The following FRMD4A variants were observed in gnomAD, a reference collection of about 807,000 sequenced individuals.
FRMD4A encodes FERM domain-containing protein 4A.
Under a neutral mutation model 129.1 loss-of-function variants are expected in FRMD4A, and 29 were observed. That is an observed-to-expected ratio of 0.22 (90% CI 0.17 to 0.31). FRMD4A has a LOEUF of 0.31. Ranked by LOEUF, FRMD4A falls within the 10% of genes least tolerant of loss-of-function variation. The pLI, the probability that FRMD4A is intolerant of heterozygous loss-of-function variation, is 1.00. For synonymous variants in FRMD4A, 634 were observed against 571.6 expected (o/e 1.11, Z -1.56); for missense variants, 1,272 against 1,375.8 (o/e 0.92, Z 1.19).
chr10:13,708,154 G>A (rs560123767), intron 12 of FRMD4A, among the ~76,000 whole-genome samples: 2 of 152,358 alleles, frequency 1.3e-5, no homozygotes, highest in African/African-American at 4.8e-5. Context: ...GCGGGGAACA[G>A]CTTCCCTGGG....
At chr10:13,875,762 A>G (rs117559134) in intron 2 of FRMD4A, among the ~76,000 whole-genome samples, 5 of 152,188 alleles carry the variant, frequency 3.3e-5, no homozygotes, top group Non-Finnish European at 2.9e-5. Flanking sequence ...GGTGGCCTAC[A>G]TATCACAAGC....
At chr10:14,182,189 G>A (rs1198149191) in intron 2 of FRMD4A, among the ~76,000 whole-genome samples, 2 of 152,266 alleles carry the variant, frequency 1.3e-5, no homozygotes, top group East Asian at 3.9e-4. Context: ...AATGGAGATG[G>A]GAGTTGACAC....
At chr10:14,039,267 A>G (rs1246400353) in intron 2 of FRMD4A, among the ~76,000 whole-genome samples, 2 of 152,194 alleles carry the variant, frequency 1.3e-5, no homozygotes, top group African/African-American at 2.4e-5. Flanking sequence ...AATAGGGTAG[A>G]TGCCATATAT....
chr10:14,168,440 G>T (rs1362964005), intron 2 of FRMD4A, among the ~76,000 whole-genome samples: 2 of 152,160 alleles, frequency 1.3e-5, no homozygotes, highest in Admixed American at 1.3e-4. Flanking sequence ...TGTCATGAAA[G>T]CCTTTATTGT....
At chr10:13,737,761 C>T (rs1007806605) in intron 12 of FRMD4A, 83 bp downstream of exon 12, 37 of 761,694 alleles carry the variant, frequency 4.9e-5, no homozygotes, top group Admixed American at 4.8e-4. Context: ...GGCTGCATGG[C>T]GTTAGCATTT....
intron 2 of FRMD4A, among the ~76,000 whole-genome samples, chr10:13,947,161 G>T (rs1383825301): frequency 6.6e-6 from 1 of 152,172 alleles, no homozygotes; most frequent in Non-Finnish European, 1.5e-5. Context: ...AGGTAGGAAA[G>T]CGGAGACCTG....
At chr10:14,184,125 CTTTTTTTTTTTTTTTTTTT>C (rs58858936) in intron 2 of FRMD4A, among the ~76,000 whole-genome samples, 2 of 64,640 alleles carry the variant, frequency 3.1e-5, no homozygotes, top group South Asian at 1.5e-3. Context: ...CTTTTCTTTT[CTTTTTTTTTTTTTTTTTTT>C]TTTTTGAGAG....
At chr10:13,946,103 G>T (rs1311288186) in intron 2 of FRMD4A, among the ~76,000 whole-genome samples, 2 of 152,174 alleles carry the variant, frequency 1.3e-5, no homozygotes, top group African/African-American at 4.8e-5. Flanking sequence ...GATCAAAAGG[G>T]GGACAATCAA....
chr10:13,826,386 C>T (rs2093701500), intron 3 of FRMD4A, among the ~76,000 whole-genome samples: 1 of 152,218 alleles, frequency 6.6e-6, no homozygotes, highest in Admixed American at 6.5e-5. Context: ...TTGCCCTACA[C>T]AGCATACTTT....
At chr10:13,890,044 T>C (rs1198151062) in intron 2 of FRMD4A, among the ~76,000 whole-genome samples, 9 of 152,156 alleles carry the variant, frequency 5.9e-5, no homozygotes, top group Admixed American at 3.3e-4. Context: ...CAGAAGACAG[T>C]GTACAAACTG....
intron 14 of FRMD4A, among the ~76,000 whole-genome samples, chr10:13,694,294 T>C (rs2086009481): frequency 6.6e-6 from 1 of 152,220 alleles, no homozygotes; most frequent in Non-Finnish European, 1.5e-5. Context: ...CTGCACTGCT[T>C]TGTGCTTAAG....
intron 2 of FRMD4A, among the ~76,000 whole-genome samples, chr10:14,235,173 G>T (rs182381062): frequency 6.6e-6 from 1 of 150,456 alleles, no homozygotes; most frequent in Admixed American, 6.6e-5. Context: ...TTTTTGACAC[G>T]GAGTCTTGCT....
At chr10:14,071,979 GA>G (rs1245413142) in intron 2 of FRMD4A, among the ~76,000 whole-genome samples, 1 of 152,158 alleles carries the variant, frequency 6.6e-6, no homozygotes, top group East Asian at 1.9e-4. Context: ...AAGCACAGAG[GA>G]CTGTGACCAA....
chr10:13,935,790 C>T (rs1162408202), intron 2 of FRMD4A, among the ~76,000 whole-genome samples: 1 of 152,148 alleles, frequency 6.6e-6, no homozygotes, highest in Non-Finnish European at 1.5e-5. Flanking sequence ...CTCCTTCCTA[C>T]TAAAAAGAAA....
chr10:14,202,370 C>T (rs912087560), intron 2 of FRMD4A, among the ~76,000 whole-genome samples: 2 of 152,174 alleles, frequency 1.3e-5, no homozygotes, highest in African/African-American at 2.4e-5. Context: ...TCATCTCAAA[C>T]ACCTGGTTAG....
chr10:13,652,498 T>C (rs1589201492), intron 23 of FRMD4A: 1 of 159,120 alleles, frequency 6.3e-6, no homozygotes, highest in Non-Finnish European at 1.4e-5. Context: ...AGGTATGTAT[T>C]ACATATATGA....
chr10:13,899,542 C>T (rs1830931588), intron 2 of FRMD4A, among the ~76,000 whole-genome samples: 1 of 152,160 alleles, frequency 6.6e-6, no homozygotes, highest in African/African-American at 2.4e-5. Flanking sequence ...ACCTGTAATT[C>T]CAGCACTTTT....
chr10:14,175,076 C>T (rs1171531513), intron 2 of FRMD4A, among the ~76,000 whole-genome samples: 1 of 152,176 alleles, frequency 6.6e-6, no homozygotes, highest in Non-Finnish European at 1.5e-5. Flanking sequence ...TGAGATTTTT[C>T]TGAACTTCTT....
intron 2 of FRMD4A, among the ~76,000 whole-genome samples, chr10:14,000,507 C>T (rs1444779459): frequency 6.6e-6 from 1 of 151,648 alleles, no homozygotes; most frequent in Non-Finnish European, 1.5e-5. Context: ...ATTAGCCAGG[C>T]ATGGTGATGG....
Sources: gnomAD v4.1 joint callset for allele counts (sites outside exome capture counted in the v4.1 genomes callset) on GRCh38, gnomAD v4.1.1 for gene constraint, MANE v1.5 for transcripts, NCBI Gene and HGNC (gene_info 2026-07-23, HGNC 2026-07-21) for gene names.